EPS15: variants seen among roughly 807,000 people sequenced by gnomAD.
The protein encoded by EPS15 is epidermal growth factor receptor substrate 15.
EPS15 carries 72 observed loss-of-function variants against 113.8 expected under a neutral mutation model. The ratio of observed to expected loss-of-function variants is 0.63; its 90% CI spans 0.52 to 0.77. The LOEUF is 0.77. Among genes scored for constraint, EPS15 ranks in the 30% least tolerant of loss-of-function variants. The pLI is 0.00. For missense variants in EPS15, 1,048 were observed against 1,045.8 expected (o/e 1.00, Z -0.03); for synonymous variants, 344 against 363.4 (o/e 0.95, Z 0.61).
chr1:51,399,157 C>G lies in EPS15; in HGVS notation c.1927G>C (p.Gly643Arg). Reference protein sequence around the residue: ...DDPFGKIDPFGGDPFKGSDPF... With the variant: ...DDPFGKIDPFRGDPFKGSDPF... ...TCTGAACCTTTGAAAGGATCACCAC[C>G]AAATGGATCTAAAAAAATAAGGCAC... The change falls in exon 20 of 25, where the codon GGT becomes CGT. Residue 643 changes from glycine (G) to arginine (R), a missense_variant. Physicochemically the swap from Gly to Arg is moderately radical, Grantham distance 125. Transcript: ENST00000371733. 6.2e-7 allele frequency: 1 copy of G among 1,608,798 alleles called. No homozygotes were observed. The highest frequency in any genetic ancestry group is 8.5e-7 in the Non-Finnish European group (1 of 1,178,624).
chr1:51,503,617 G>A (rs1644449983), intron 1 of EPS15, among the ~76,000 whole-genome samples: 1 of 152,124 alleles, frequency 6.6e-6, no homozygotes, highest in Non-Finnish European at 1.5e-5. Context: ...ACTCCAGCCT[G>A]AGCAACAGAA....
intron 1 of EPS15, among the ~76,000 whole-genome samples, chr1:51,483,455 G>A (rs1245334316): frequency 1.3e-5 from 2 of 150,120 alleles, no homozygotes; most frequent in African/African-American, 2.5e-5. Flanking sequence ...TACTGGTTCA[G>A]TTTTTCTGGA....
chr1:51,374,767 G>A (rs1646746208), intron 21 of EPS15, among the ~76,000 whole-genome samples: 1 of 151,782 alleles, frequency 6.6e-6, no homozygotes, highest in South Asian at 2.1e-4. Flanking sequence ...ATGGAGTCTC[G>A]CTCTGTTGCT....
intron 1 of EPS15, among the ~76,000 whole-genome samples, chr1:51,494,600 A>C (rs767378388): frequency 6.6e-6 from 1 of 152,224 alleles, no homozygotes; most frequent in Non-Finnish European, 1.5e-5. Context: ...GTATCAGTTC[A>C]CAAGGGCCAT....
chr1:51,485,336 A>G (rs1644101038), intron 1 of EPS15, among the ~76,000 whole-genome samples: 1 of 152,252 alleles, frequency 6.6e-6, no homozygotes, highest in Admixed American at 6.5e-5. Context: ...TACTTTATAA[A>G]TCCAATCAAT....
chr1:51,372,147 T>G (rs1343875198), intron 21 of EPS15: 1 of 373,450 alleles, frequency 2.7e-6, no homozygotes, highest in Non-Finnish European at 5.3e-6. Flanking sequence ...AATTCATACC[T>G]GCCCATGCAC....
chr1:51,439,802 G>C (rs1018012105), intron 12 of EPS15, among the ~76,000 whole-genome samples: 2 of 151,986 alleles, frequency 1.3e-5, no homozygotes, highest in Admixed American at 1.3e-4. Context: ...AGCATCTTAA[G>C]TTTCTTACCT....
intron 12 of EPS15, among the ~76,000 whole-genome samples, chr1:51,424,284 T>C (rs1186332753): frequency 1.3e-5 from 2 of 152,218 alleles, no homozygotes; most frequent in East Asian, 3.8e-4. Flanking sequence ...TCAGAGATGC[T>C]CAAATGTTAT....
intron 12 of EPS15, among the ~76,000 whole-genome samples, chr1:51,436,377 A>G (rs1652152749): frequency 6.6e-6 from 1 of 151,180 alleles, no homozygotes; most frequent in Non-Finnish European, 1.5e-5. Flanking sequence ...CAGATAAAAG[A>G]CAAAGGCTAA....
At chr1:51,441,784 T>C (rs1287476291) in intron 11 of EPS15, among the ~76,000 whole-genome samples, 1 of 152,150 alleles carries the variant, frequency 6.6e-6, no homozygotes, top group East Asian at 1.9e-4. Flanking sequence ...TTGCTCAAAG[T>C]TGAACCCAGC....
At chr1:51,492,479 C>T (rs749343928) in intron 1 of EPS15, among the ~76,000 whole-genome samples, 8 of 152,002 alleles carry the variant, frequency 5.3e-5, no homozygotes, top group Non-Finnish European at 1.0e-4. Flanking sequence ...TTAGAATAGA[C>T]AAAAGAATTT....
rs766743968 is a variant in EPS15, at chr1:51,366,072, A to C, written c.2120-43T>G. 6 of 1,178,502 alleles carry C rather than the reference A, an allele frequency of 5.1e-6. No homozygotes were observed. The South Asian group carries it at 9.1e-5, about 18-fold the overall frequency. 73.0% of individuals were successfully genotyped at this position (1,178,502 alleles called of 1,614,324 possible). A position where few individuals can be genotyped will look rare whatever the true frequency, so the allele number is the denominator to read the frequency against. On this transcript the variant is annotated intron_variant, in intron 21 of 24. Coordinates refer to ENST00000371733, the MANE Select transcript of EPS15 (RefSeq NM_001981.3). Reference sequence around the variant, plus strand: ...AATAAATGAAACAGGACAGTAAGACATTTTTTTTTTTTGAGACAGAGTCTC... The same window carrying C: ...AATAAATGAAACAGGACAGTAAGACCTTTTTTTTTTTTGAGACAGAGTCTC...
At chr1:51,363,188 C>T (rs576635134) in intron 23 of EPS15, among the ~76,000 whole-genome samples, 5 of 151,566 alleles carry the variant, frequency 3.3e-5, no homozygotes, top group Non-Finnish European at 7.4e-5. Flanking sequence ...ATCCCAACTA[C>T]TCGGGAGGCT....
intron 2 of EPS15, among the ~76,000 whole-genome samples, chr1:51,474,735 GGTTT>G (rs1269106273): frequency 6.6e-6 from 1 of 151,738 alleles, no homozygotes; most frequent in Non-Finnish European, 1.5e-5. Context: ...ACAACATGCA[GGTTT>G]GTTACATATG....
At chr1:51,371,780 C>T (rs1646662258) in intron 21 of EPS15, among the ~76,000 whole-genome samples, 2 of 152,138 alleles carry the variant, frequency 1.3e-5, no homozygotes, top group Admixed American at 1.3e-4. Flanking sequence ...ATGTCTTGGG[C>T]CTTCACATTC....
At chr1:51,453,923 G>A (rs1345483338) in intron 8 of EPS15, among the ~76,000 whole-genome samples, 1 of 151,906 alleles carries the variant, frequency 6.6e-6, no homozygotes, top group Non-Finnish European at 1.5e-5. Context: ...GGTGGCAGGT[G>A]CCTATAAACC....
At chr1:51,470,333 C>G (rs190417029) in intron 4 of EPS15, among the ~76,000 whole-genome samples, 1 of 152,182 alleles carries the variant, frequency 6.6e-6, no homozygotes, top group East Asian at 1.9e-4. Flanking sequence ...GGTTTCTTTT[C>G]TTTCATTCAT....
Position 51,397,930 on chromosome 1 carries a change from A to C in EPS15, c.2052+1102T>G, listed in dbSNP as rs562553446. Among the ~76,000 whole-genome samples, 174 of 152,372 alleles carry C rather than the reference A, an allele frequency of 1.1e-3. 1 individual carries two copies. Among genetic ancestry groups the C allele is most frequent in the Admixed American group, 4.6e-3 (71 of 15,306 alleles). On this transcript the variant is annotated intron_variant, in intron 20 of 24. Coordinates refer to ENST00000371733, the MANE Select transcript of EPS15 (RefSeq NM_001981.3). ...AGTCTCAAAATACAAATTAAAAAGC[A>C]AAACCAAAAACCTGCAAAACCATTC...
In EPS15 at chr1:51,408,592, A is replaced by G. The variant is rs573676296; in HGVS notation, c.1276-260T>C. On this transcript the variant is annotated intron_variant, in intron 14 of 24. Transcript: ENST00000371733. ...AACATGCCCAGCCATACCTAGCCCTATTATGGAGTTTTTGATGTTGTTGTT... is the reference window on the plus strand; with the variant it reads ...AACATGCCCAGCCATACCTAGCCCTGTTATGGAGTTTTTGATGTTGTTGTT... Among the ~76,000 whole-genome samples, 38 of 151,452 alleles carry G rather than the reference A, an allele frequency of 2.5e-4. 1 individual carries two copies. The highest frequency in any genetic ancestry group is 8.2e-4 in the African/African-American group (34 of 41,270).
Sources: gnomAD v4.1 joint callset for allele counts (sites outside exome capture counted in the v4.1 genomes callset) on GRCh38, gnomAD v4.1.1 for gene constraint, MANE v1.5 for transcripts, NCBI Gene and HGNC (gene_info 2026-07-23, HGNC 2026-07-21) for gene names.